Variants in RIPOR2 observed in about 807,000 individuals in gnomAD.
RIPOR2 encodes the protein rho family-interacting cell polarization regulator 2.
Under a neutral mutation model 114.5 loss-of-function variants are expected in RIPOR2, and 39 were observed. The ratio of observed to expected loss-of-function variants is 0.34; its 90% CI spans 0.26 to 0.44. RIPOR2 has a LOEUF of 0.44. Among genes scored for constraint, RIPOR2 ranks in the 20% least tolerant of loss-of-function variants. The pLI, the probability that RIPOR2 is intolerant of heterozygous loss-of-function variation, is 1.00. For missense variants in RIPOR2, 1,007 were observed against 1,255.1 expected (o/e 0.80, Z 2.99); for synonymous variants, 445 against 484.4 (o/e 0.92, Z 1.07).
chr6:24,972,815 T>C (rs1480198680), intron 1 of RIPOR2, among the ~76,000 whole-genome samples: 1 of 152,206 alleles, frequency 6.6e-6, no homozygotes, highest in Non-Finnish European at 1.5e-5. Context: ...TCTGGACAAA[T>C]TTTAGAAGCT....
At chr6:24,937,648 T>C (rs571548985), upstream of RIPOR2, among the ~76,000 whole-genome samples, 212 of 152,312 alleles carry the variant, frequency 1.4e-3, 3 homozygotes, top group South Asian at 0.017. Flanking sequence ...GGTGTCCATT[T>C]TGATAATCAC....
At chr6:24,990,939 C>T (rs1047201794) in intron 1 of RIPOR2, among the ~76,000 whole-genome samples, 6 of 152,328 alleles carry the variant, frequency 3.9e-5, no homozygotes, top group Non-Finnish European at 8.8e-5. Flanking sequence ...GTAAAATATG[C>T]ATGCGCACTC....
chr6:24,925,262 G>T (rs1337057401), intron 1 of RIPOR2, among the ~76,000 whole-genome samples: 1 of 152,146 alleles, frequency 6.6e-6, no homozygotes, highest in Non-Finnish European at 1.5e-5. Context: ...ATCTTTCTGG[G>T]TGTATTATCA....
rs1248951366 is a variant in RIPOR2, at chr6:24,855,971, C to T, written c.716-3353G>A. 2.6e-5 allele frequency among the ~76,000 whole-genome samples: 4 copies of T among 152,070 alleles called. No homozygotes were observed. The East Asian group carries it at 5.8e-4, about 22-fold the overall frequency. On this transcript the variant is annotated intron_variant, in intron 8 of 21. Coordinates refer to ENST00000643898, the MANE Select transcript of RIPOR2 (RefSeq NM_001286445.3). Reference sequence around the variant, plus strand: ...ATTGCTTGAGGTTAGGAGTTTCAGGCGGCCGTGAGCCACTGAACTCCAGCC... The same window carrying T: ...ATTGCTTGAGGTTAGGAGTTTCAGGTGGCCGTGAGCCACTGAACTCCAGCC...
At chr6:24,966,351 T>C (rs1423004463) in intron 1 of RIPOR2, among the ~76,000 whole-genome samples, 1 of 152,220 alleles carries the variant, frequency 6.6e-6, no homozygotes, top group African/African-American at 2.4e-5. Flanking sequence ...TCATAATACA[T>C]AATTTTCATG....
chr6:25,023,883 A>C (rs1776463031), intron 1 of RIPOR2: 2 of 723,928 alleles, frequency 2.8e-6, no homozygotes, highest in Non-Finnish European at 5.1e-6. Context: ...AGAGACCTGG[A>C]GGCACTTGGT....
chr6:24,853,394 C>T (rs756984759), intron 8 of RIPOR2, among the ~76,000 whole-genome samples: 5 of 152,192 alleles, frequency 3.3e-5, no homozygotes, highest in Admixed American at 6.5e-5. Flanking sequence ...TGGGTTTGTC[C>T]AGTCTTTTTC....
intron 1 of RIPOR2, among the ~76,000 whole-genome samples, chr6:25,003,153 G>T (rs74775596): frequency 6.6e-6 from 1 of 152,132 alleles, no homozygotes; most frequent in Non-Finnish European, 1.5e-5. Context: ...GTCACTTCTC[G>T]ACCGTTCACA....
chr6:24,809,756 C>T lies in RIPOR2; in HGVS notation c.3004G>A (p.Glu1002Lys), dbSNP rs1296867005. The T allele has an allele frequency of 6.4e-7, 1 of 1,550,928 alleles. No homozygotes were observed. The highest frequency in any genetic ancestry group is 1.4e-5 in the African/African-American group (1 of 73,038). ...GTTTCTGAGGCCACATTTCTGATTT[C>T]TTCAGTATCAGATTGACACAATGTC... The part of the protein sequence containing the change: ...LVTLCQSDTE[E>K]IRNVASETLL... Residue 1002 changes from glutamate (E) to lysine (K), a missense_variant, in exon 21 of 22, where the codon GAA becomes AAA. Glu to Lys is a moderately conservative substitution (Grantham distance 56, BLOSUM62 1). Transcript: ENST00000643898.
intron 1 of RIPOR2, among the ~76,000 whole-genome samples, chr6:24,913,802 C>T (rs562891101): frequency 2.8e-4 from 42 of 152,222 alleles, no homozygotes; most frequent in African/African-American, 9.9e-4. Context: ...GATTCTTTAT[C>T]CCCAAAACTT....
intron 15 of RIPOR2, among the ~76,000 whole-genome samples, chr6:24,834,037 A>C (rs567612634): frequency 6.6e-6 from 1 of 152,250 alleles, no homozygotes; most frequent in Non-Finnish European, 1.5e-5. Context: ...ATGGTTGGTG[A>C]GTAGAAAATA....
chr6:25,019,810 A>G (rs1776226705), intron 1 of RIPOR2, among the ~76,000 whole-genome samples: 1 of 150,274 alleles, frequency 6.7e-6, no homozygotes, highest in South Asian at 2.1e-4. Context: ...AAAAGAAAGA[A>G]AGAAAAAGAA....
At chr6:24,916,471 G>A (rs1253139973) in intron 1 of RIPOR2, among the ~76,000 whole-genome samples, 2 of 152,188 alleles carry the variant, frequency 1.3e-5, no homozygotes, top group Admixed American at 1.3e-4. Flanking sequence ...ATATTAATGA[G>A]TGTAGAGGAT....
intron 12 of RIPOR2, 24 bp downstream of exon 12, chr6:24,848,001 C>T: frequency 6.2e-7 from 1 of 1,613,766 alleles, no homozygotes; most frequent in Non-Finnish European, 8.5e-7. Context: ...ATTGATTCTA[C>T]TCGGGAAATT....
chr6:24,902,335 C>T (rs1296615251), intron 1 of RIPOR2, among the ~76,000 whole-genome samples: 1 of 151,880 alleles, frequency 6.6e-6, no homozygotes, highest in Non-Finnish European at 1.5e-5. Flanking sequence ...CTGCCTTAGC[C>T]TCCTGAGTAG....
At chr6:24,880,035 G>A (rs1766203679) in intron 1 of RIPOR2, among the ~76,000 whole-genome samples, 1 of 152,214 alleles carries the variant, frequency 6.6e-6, no homozygotes, top group South Asian at 2.1e-4. Flanking sequence ...ATTACTGCTG[G>A]TAGGGATGTA....
chr6:24,904,566 G>C (rs973394802), intron 1 of RIPOR2, among the ~76,000 whole-genome samples: 1 of 152,202 alleles, frequency 6.6e-6, no homozygotes, highest in Non-Finnish European at 1.5e-5. Context: ...ATAGTCACAG[G>C]TTCCTGGCAT....
intron 1 of RIPOR2, among the ~76,000 whole-genome samples, chr6:25,035,630 T>C (rs1377553226): frequency 4.0e-5 from 6 of 151,898 alleles, no homozygotes; most frequent in Non-Finnish European, 7.4e-5. Flanking sequence ...AATCCCAGAG[T>C]GGAGGAGGCC....
intron 1 of RIPOR2, among the ~76,000 whole-genome samples, chr6:24,914,319 A>AAACAAC (rs150955608): frequency 2.0e-5 from 3 of 151,896 alleles, no homozygotes; most frequent in African/African-American, 2.4e-5. Flanking sequence ...CCTGGGTGTC[A>AAACAAC]AACAACAACA....
Sources: allele counts gnomAD v4.1 joint callset (sites outside exome capture counted in the v4.1 genomes callset), GRCh38; gene constraint gnomAD v4.1.1; transcripts MANE v1.5; gene names NCBI Gene and HGNC (gene_info 2026-07-23, HGNC 2026-07-21).